The following YEATS2 variants were observed in gnomAD, a reference collection of about 807,000 sequenced individuals.
The protein encoded by YEATS2 is YEATS domain containing 2.
Under a neutral mutation model 163.2 loss-of-function variants are expected in YEATS2, and 77 were observed. The ratio of observed to expected loss-of-function variants is 0.47; its 90% CI spans 0.39 to 0.57. The LOEUF is 0.57. Among genes scored for constraint, YEATS2 ranks in the 20% least tolerant of loss-of-function variants. The pLI is 0.00. For missense variants in YEATS2, 1,549 were observed against 1,729.8 expected, an observed-to-expected ratio of 0.90 and a Z score of 1.85; for synonymous variants, 631 against 645.1, an observed-to-expected ratio of 0.98 and a Z score of 0.33.
In YEATS2 at chr3:183,772,959, C is replaced by G. The variant is rs140179863; in HGVS notation, c.2206+396C>G. Among the ~76,000 whole-genome samples, 3 of 152,214 alleles carry G rather than the reference C, an allele frequency of 2.0e-5. 1 individual carries two copies. The East Asian group carries it at 5.8e-4, about 29-fold the overall frequency. ...TGATGTACTTTACTTTATATCATCTCTAGGTTATCTTAATACCTAATAACA... is the reference window on the plus strand; with the variant it reads ...TGATGTACTTTACTTTATATCATCTGTAGGTTATCTTAATACCTAATAACA... On this transcript the variant is annotated intron_variant, in intron 16 of 30. Coordinates refer to ENST00000305135, the MANE Select transcript of YEATS2 (RefSeq NM_018023.5).
intron 7 of YEATS2, among the ~76,000 whole-genome samples, chr3:183,735,802 C>G (rs1718276771): frequency 1.3e-5 from 2 of 152,006 alleles, no homozygotes; most frequent in Non-Finnish European, 2.9e-5. Context: ...TTGTCGTGGC[C>G]TCTCAAAGTG....
intron 8 of YEATS2, among the ~76,000 whole-genome samples, chr3:183,743,159 G>C (rs1719154112): frequency 6.6e-6 from 1 of 151,996 alleles, no homozygotes; most frequent in Admixed American, 6.6e-5. Context: ...TATCTCTGAG[G>C]TATGTTTGTA....
rs760956465 is a variant in YEATS2 at position 183,806,959 on chromosome 3, A to T, written c.3878A>T (p.Glu1293Val). 1.2e-6 allele frequency: 2 copies of T among 1,614,148 alleles called. No individual in the cohort carries two copies. The highest frequency in any genetic ancestry group is 1.7e-6 in the Non-Finnish European group (2 of 1,180,028). Residue 1293 changes from glutamate to valine, a missense_variant, in exon 28 of 31, where the codon GAG becomes GTG. Coordinates refer to ENST00000305135, the MANE Select transcript of YEATS2 (RefSeq NM_018023.5). ...AAAAGGGAACCCGAGAATGAGGAGG[A>T]GGTGGACATCCTCAGCCTCTCCGAG... ...FQKREPENEE[E>V]VDILSLSEPV... is the part of the protein sequence containing the mutation.
intron 15 of YEATS2, among the ~76,000 whole-genome samples, chr3:183,767,183 C>G (rs888461080): frequency 6.6e-6 from 1 of 152,094 alleles, no homozygotes; most frequent in Non-Finnish European, 1.5e-5. Context: ...TGGGTAAGCT[C>G]TGCTGGTAAA....
At chr3:183,698,487 G>T (rs1405763313) in intron 1 of YEATS2, among the ~76,000 whole-genome samples, 2 of 152,228 alleles carry the variant, frequency 1.3e-5, no homozygotes, top group Admixed American at 6.5e-5. Context: ...GCTGCGGGCA[G>T]TGCGGGGCGG....
chr3:183,803,562 T>G, intron 26 of YEATS2: 2 of 582,430 alleles, frequency 3.4e-6, no homozygotes, highest in Non-Finnish European at 6.1e-6. Flanking sequence ...TTTTCTGAGT[T>G]TCAGAGTTTT....
intron 7 of YEATS2, among the ~76,000 whole-genome samples, chr3:183,730,264 C>T (rs1207641534): frequency 6.6e-6 from 1 of 151,352 alleles, no homozygotes; most frequent in Non-Finnish European, 1.5e-5. Flanking sequence ...GGGGTTTTGC[C>T]ATGTTGGCCA....
In YEATS2 at chr3:183,761,474, C is replaced by T. The variant is rs374471803; in HGVS notation, c.1657-33C>T. ...AGATATCTGAAATCACCCATTTCTC[C>T]TGATTGTAAAATATGTATTTTTACA... On this transcript the variant is annotated intron_variant, in intron 13 of 30. Coordinates refer to ENST00000305135, the MANE Select transcript of YEATS2 (RefSeq NM_018023.5). 45 of 1,567,052 alleles carry T rather than the reference C, an allele frequency of 2.9e-5. No individual in the cohort carries two copies. In the African/African-American group the frequency reaches 5.3e-4, roughly 18 times the overall value.
intron 15 of YEATS2, among the ~76,000 whole-genome samples, chr3:183,770,391 A>C (rs1006932224): frequency 2.6e-5 from 4 of 152,182 alleles, no homozygotes; most frequent in African/African-American, 9.7e-5. Flanking sequence ...AAAACAAAAA[A>C]CAAAAAAACA....
intron 21 of YEATS2, among the ~76,000 whole-genome samples, chr3:183,791,854 A>G (rs139641953): frequency 2.1e-4 from 32 of 152,338 alleles, no homozygotes; most frequent in African/African-American, 6.3e-4. Context: ...TTTCTGAGTA[A>G]CAGAGAGCAC....
intron 29 of YEATS2, 159 bp from the exon 30 acceptor site, chr3:183,808,938 T>C: frequency 1.7e-6 from 1 of 594,074 alleles, no homozygotes; most frequent in African/African-American, 1.8e-5. Flanking sequence ...GCCTTTATCA[T>C]TATGGTCTAT....
At chr3:183,768,935 G>A (rs142051221) in intron 15 of YEATS2, among the ~76,000 whole-genome samples, 222 of 152,286 alleles carry the variant, frequency 1.5e-3, no homozygotes, top group African/African-American at 5.0e-3. Flanking sequence ...TCGTGCCACC[G>A]CACTCCAGCC....
At chr3:183,750,297 G>T (rs1481419963) in intron 9 of YEATS2, among the ~76,000 whole-genome samples, 1 of 152,176 alleles carries the variant, frequency 6.6e-6, no homozygotes, top group Non-Finnish European at 1.5e-5. Context: ...TGCATTGTAT[G>T]TATATACCAC....
Position 183,697,836 on chromosome 3 carries a change from G to C in YEATS2, c.-177G>C, listed in dbSNP as rs1341522215. 6.6e-6 allele frequency: 1 copy of C among 150,438 alleles called. No individual in the cohort carries two copies. The highest frequency in any genetic ancestry group is 2.4e-5 in the African/African-American group (1 of 41,164). 9.3% of individuals were successfully genotyped at this position (150,438 alleles called of 1,614,324 possible). A position where few individuals can be genotyped will look rare whatever the true frequency, so the allele number is the denominator to read the frequency against. On this transcript the variant is annotated 5_prime_UTR_variant, in exon 1 of 31. Transcript: ENST00000305135. ...CTGACGTGCGGGGCGGAACGCGCCGGGCGGGCTCCACCGCGCCGTGTGCTT... is the reference window on the plus strand; with the variant it reads ...CTGACGTGCGGGGCGGAACGCGCCGCGCGGGCTCCACCGCGCCGTGTGCTT...
At chr3:183,735,403 C>G (rs145684462) in intron 7 of YEATS2, among the ~76,000 whole-genome samples, 1 of 152,216 alleles carries the variant, frequency 6.6e-6, no homozygotes, top group Non-Finnish European at 1.5e-5. Flanking sequence ...ACCAACGTCA[C>G]AGCTGCTTCT....
chr3:183,718,585 T>A lies in YEATS2; in HGVS notation c.284T>A (p.Val95Asp). ...NYYASAGLLKVSEGSKTCDTM... is the reference protein window; with the variant it reads ...NYYASAGLLKDSEGSKTCDTM... Reference sequence around the variant, plus strand: ...TATGCTTCTGCAGGTCTTCTAAAAGTTTCTGAGGTAAGCATTCCTCATACC... The same window carrying A: ...TATGCTTCTGCAGGTCTTCTAAAAGATTCTGAGGTAAGCATTCCTCATACC... The change falls in exon 4 of 31, where the codon GTT becomes GAT. Residue 95 changes from valine to aspartate, a missense_variant. Val to Asp is a radical substitution (Grantham distance 152). Coordinates refer to ENST00000305135, the MANE Select transcript of YEATS2 (RefSeq NM_018023.5). The A allele has an allele frequency of 6.2e-7, 1 of 1,611,316 alleles. No individual in the cohort carries two copies. The highest frequency in any genetic ancestry group is 8.5e-7 in the Non-Finnish European group (1 of 1,178,908).
intron 19 of YEATS2, among the ~76,000 whole-genome samples, 182 bp downstream of exon 19, chr3:183,777,882 T>C (rs924713294): frequency 3.1e-4 from 47 of 151,978 alleles, no homozygotes; most frequent in Non-Finnish European, 4.9e-4. Flanking sequence ...GTGGGTGGAT[T>C]GCCTGAGGTC....
intron 27 of YEATS2, among the ~76,000 whole-genome samples, chr3:183,804,703 C>G (rs1406668587): frequency 1.3e-5 from 2 of 152,186 alleles, no homozygotes; most frequent in Admixed American, 1.3e-4. Context: ...AAACAGACCA[C>G]TGGGCCGGGC....
intron 15 of YEATS2, among the ~76,000 whole-genome samples, chr3:183,767,639 C>T (rs1021505189): frequency 3.9e-5 from 6 of 152,112 alleles, no homozygotes; most frequent in Non-Finnish European, 8.8e-5. Flanking sequence ...CCTTGGCCTC[C>T]TGAAGTGCTA....
Sources: allele counts gnomAD v4.1 joint callset (sites outside exome capture counted in the v4.1 genomes callset), GRCh38; gene constraint gnomAD v4.1.1; transcripts MANE v1.5; gene names NCBI Gene and HGNC (gene_info 2026-07-23, HGNC 2026-07-21).